Variants in NBPF11 observed in about 807,000 individuals in gnomAD.
NBPF11 encodes the protein NBPF family member NBPF11.
In NBPF11, 72 loss-of-function variants were observed where a neutral mutation model predicts 93.9. That is an observed-to-expected ratio of 0.77 (90% confidence interval 0.63 to 0.93). The LOEUF (loss-of-function observed/expected upper bound fraction) is 0.93, where lower values mean the gene tolerates loss of function less well. Ranked by LOEUF, NBPF11 falls within the 40% of genes least tolerant of loss-of-function variation. The probability of loss-of-function intolerance (pLI) is 0.00; values close to 1 mark genes in which losing one functional copy is unlikely to be tolerated. For missense variants in NBPF11, 705 were observed against 802.2 expected (o/e 0.88, Z 1.46); for synonymous variants, 224 against 304.9 (o/e 0.73, Z 2.76).
chr1:148,109,878 C>G (rs1385995294), intron 16 of NBPF11, among the ~76,000 whole-genome samples: 1 of 138,332 alleles, frequency 7.2e-6, no homozygotes, highest in African/African-American at 2.9e-5. Flanking sequence ...CTAAAACAAG[C>G]GAACTTAGAA....
chr1:148,129,744 T>G (rs1177485653), intron 4 of NBPF11: 2 of 181,558 alleles, frequency 1.1e-5, no homozygotes, highest in African/African-American at 4.8e-5. Context: ...GATCTTTGTA[T>G]GAAGAGCATC....
chr1:148,111,755 A>G (rs1378681580), intron 15 of NBPF11, among the ~76,000 whole-genome samples: 7 of 151,806 alleles, frequency 4.6e-5, no homozygotes, highest in South Asian at 2.1e-4. Flanking sequence ...GGACTATGTG[A>G]AAAGACCAAA....
At chr1:148,142,121 G>A (rs1389431257) in intron 2 of NBPF11, among the ~76,000 whole-genome samples, 4 of 150,506 alleles carry the variant, frequency 2.7e-5, no homozygotes, top group Non-Finnish European at 5.9e-5. Flanking sequence ...AAAGAATAAA[G>A]AGAGAGAGAA....
chr1:148,106,732 T>C (rs1487373501), intron 20 of NBPF11, among the ~76,000 whole-genome samples: 5 of 148,750 alleles, frequency 3.4e-5, no homozygotes, highest in African/African-American at 1.0e-4. Flanking sequence ...TAGGCATGGC[T>C]GGAGACTAGG....
chr1:148,146,813 G>A, intron 1 of NBPF11: 1 of 1,613,534 alleles, frequency 6.2e-7, no homozygotes, highest in South Asian at 1.1e-5. Flanking sequence ...CGCCTCCACT[G>A]CAACATCTTC....
At chr1:148,146,398 A>G in intron 1 of NBPF11, 1 of 1,597,690 alleles carries the variant, frequency 6.3e-7, no homozygotes, top group Non-Finnish European at 8.5e-7. Flanking sequence ...GCCCGCCATG[A>G]ACGGGCTGTC....
At chr1:148,127,908 G>A (rs1669494831) in intron 4 of NBPF11, among the ~76,000 whole-genome samples, 1 of 151,950 alleles carries the variant, frequency 6.6e-6, no homozygotes, top group African/African-American at 2.4e-5. Flanking sequence ...TGCCGCCTCG[G>A]CCTCCCAAAG....
At chr1:148,146,889 C>T (rs1368609538) in intron 1 of NBPF11, 86 of 1,613,352 alleles carry the variant, frequency 5.3e-5, no homozygotes, top group Non-Finnish European at 7.2e-5. Flanking sequence ...TCTATGCCGA[C>T]ATCGACGCCA....
At chr1:148,122,500 C>A (rs1189771330) in intron 8 of NBPF11, among the ~76,000 whole-genome samples, 1 of 152,040 alleles carries the variant, frequency 6.6e-6, no homozygotes. Flanking sequence ...CAGATAGGAG[C>A]TGAAGAGGAT....
intron 3 of NBPF11, among the ~76,000 whole-genome samples, chr1:148,137,152 G>A (rs1297003000): frequency 1.3e-5 from 2 of 151,934 alleles, no homozygotes; most frequent in African/African-American, 2.4e-5. Flanking sequence ...AAGATGGTGA[G>A]GTTACCGCAT....
chr1:148,108,403 A>G, intron 18 of NBPF11, 79 bp downstream of exon 18: 9 of 912,138 alleles, frequency 9.9e-6, no homozygotes, highest in Non-Finnish European at 1.6e-5. Context: ...TCAGCTCAGT[A>G]AGGGCCACTT....
Position 148,124,969 on chromosome 1 carries a change from T to C in NBPF11, c.208A>G (p.Met70Val), listed in dbSNP as rs1449583694. The C allele has an allele frequency of 6.2e-7, 1 of 1,606,790 alleles. No individual in the cohort carries two copies. The highest frequency in any genetic ancestry group is 1.7e-5 in the Admixed American group (1 of 60,014). Residue 70 changes from methionine to valine, a missense_variant, in exon 6 of 24, where the codon ATG becomes GTG. Transcript: ENST00000682118. Reference sequence around the variant, plus strand: ...TTGAACTGTCGCTCATTCCTCAGCATAAATTTTATGAGGTCTTTACACTCT... The same window carrying C: ...TTGAACTGTCGCTCATTCCTCAGCACAAATTTTATGAGGTCTTTACACTCT... ...YEECKDLIKF[M>V]LRNERQFKEE... is the part of the protein sequence containing the mutation.
At chr1:148,133,702 C>T (rs1451213666) in intron 4 of NBPF11, among the ~76,000 whole-genome samples, 2 of 150,664 alleles carry the variant, frequency 1.3e-5, no homozygotes, top group African/African-American at 4.9e-5. Flanking sequence ...CTTTGGGAGG[C>T]TGAGGCGGGC....
intron 1 of NBPF11, among the ~76,000 whole-genome samples, chr1:148,145,801 C>A (rs1486240599): frequency 2.0e-5 from 3 of 150,782 alleles, no homozygotes; most frequent in African/African-American, 7.4e-5. Flanking sequence ...ATCACCTGAG[C>A]CTTGGGAGGT....
Position 148,103,447 on chromosome 1 carries a change from T to A in NBPF11, c.*449A>T. The A allele has an allele frequency of 1.4e-6, 1 of 700,802 alleles. No individual in the cohort carries two copies. The allele number at this position is 700,802 out of a possible 1,614,324, so 43.4% of individuals were successfully genotyped here. A position where few individuals can be genotyped will look rare whatever the true frequency, so the allele number is the denominator to read the frequency against. ...AATGTCCGACTGATCACTCCCGGCA[T>A]GTGCTGCACAGTTATGTGAACGTGT... On this transcript the variant is annotated 3_prime_UTR_variant, in exon 24 of 24. Transcript: ENST00000682118.
chr1:148,150,120 G>C (rs1396210337), intron 1 of NBPF11, among the ~76,000 whole-genome samples: 1 of 150,668 alleles, frequency 6.6e-6, no homozygotes, highest in African/African-American at 2.5e-5. Context: ...CTTAATCTGT[G>C]GTGGTTCATT....
chr1:148,140,935 A>T (rs1672065203), intron 2 of NBPF11, among the ~76,000 whole-genome samples: 1 of 152,010 alleles, frequency 6.6e-6, no homozygotes, highest in African/African-American at 2.4e-5. Flanking sequence ...TGAATAAACA[A>T]ACTGTGTTGT....
chr1:148,121,966 A>G (rs1667973979), intron 9 of NBPF11, 89 bp downstream of exon 9: 5 of 940,700 alleles, frequency 5.3e-6, no homozygotes, highest in South Asian at 1.3e-5. Flanking sequence ...GACTAAAACA[A>G]TAACAATATG....
At chr1:148,136,763 G>A (rs1671355434) in intron 3 of NBPF11, among the ~76,000 whole-genome samples, 1 of 151,742 alleles carries the variant, frequency 6.6e-6, no homozygotes, top group Non-Finnish European at 1.5e-5. Flanking sequence ...TTCACATTAG[G>A]GACAGATAAG....
Sources: allele counts gnomAD v4.1 joint callset (sites outside exome capture counted in the v4.1 genomes callset), GRCh38; gene constraint gnomAD v4.1.1; transcripts MANE v1.5; gene names NCBI Gene and HGNC (gene_info 2026-07-23, HGNC 2026-07-21).